Variants in LAMA3 observed in about 807,000 individuals in gnomAD.
LAMA3 encodes laminin subunit alpha-3.
In LAMA3, 281 loss-of-function variants were observed where a neutral mutation model predicts 402.0. That is an observed-to-expected ratio of 0.70 (90% CI 0.63 to 0.77). LAMA3 has a LOEUF of 0.77. Ranked by LOEUF, LAMA3 falls within the 30% of genes least tolerant of loss-of-function variation. LAMA3 has a pLI of 0.00. For synonymous variants in LAMA3, 1,431 were observed against 1,558.4 expected (o/e 0.92, Z 1.93); for missense variants, 3,840 against 4,215.5 (o/e 0.91, Z 2.47).
chr18:23,822,075 A>G (rs1339236252), intron 19 of LAMA3, among the ~76,000 whole-genome samples, 177 bp from the exon 20 acceptor site: 3 of 152,114 alleles, frequency 2.0e-5, no homozygotes, highest in Non-Finnish European at 2.9e-5. Context: ...AGGTTTGCCT[A>G]TTTCCATCTT....
intron 21 of LAMA3, 32 bp downstream of exon 21, chr18:23,824,597 C>A (rs190704241): frequency 1.1e-5 from 17 of 1,611,164 alleles, no homozygotes; most frequent in Non-Finnish European, 1.3e-5. Context: ...AGAGCTCCTG[C>A]GGGATTCTTC....
At chr18:23,715,664 CAGGA>C (rs910569809) in intron 2 of LAMA3, among the ~76,000 whole-genome samples, 1 of 152,128 alleles carries the variant, frequency 6.6e-6, no homozygotes, top group African/African-American at 2.4e-5. Flanking sequence ...ACGTAAACAG[CAGGA>C]AGAAGACTGT....
chr18:23,791,088 C>T (rs12458273), intron 12 of LAMA3, among the ~76,000 whole-genome samples: 8,479 of 152,054 alleles, frequency 0.056, 284 homozygotes, highest in Middle Eastern at 0.095. Context: ...CGGGGTTTCA[C>T]CGTGGTCTCA....
intron 31 of LAMA3, 110 bp downstream of exon 31, chr18:23,846,618 T>G: frequency 9.9e-7 from 1 of 1,010,808 alleles, no homozygotes; most frequent in Non-Finnish European, 1.5e-6. Flanking sequence ...CCTGGAGATC[T>G]GGAGAAATGC....
At chr18:23,907,510 G>C (rs1389556341) in intron 52 of LAMA3, 40 bp from the exon 53 acceptor site, 1 of 1,402,762 alleles carries the variant, frequency 7.1e-7, no homozygotes, top group South Asian at 1.2e-5. Flanking sequence ...GGATCAAAAT[G>C]CACAAAGTAA....
At chr18:23,939,522 G>GC in intron 68 of LAMA3, 136 bp downstream of exon 68, 1 of 946,870 alleles carries the variant, frequency 1.1e-6, no homozygotes, top group Non-Finnish European at 1.7e-6. Flanking sequence ...GCAAAGAGGT[G>GC]CTGGCCTGCA....
chr18:23,824,542 A>G lies in LAMA3; in HGVS notation c.2548A>G (p.Ile850Val), dbSNP rs1223598289. 1 of 1,614,094 alleles carries G rather than the reference A, an allele frequency of 6.2e-7. No homozygotes were observed. Among genetic ancestry groups the G allele is most frequent in the Admixed American group, 1.7e-5 (1 of 60,018 alleles). The change falls in exon 21 of 75, where the codon ATT becomes GTT. Residue 850 changes from isoleucine to valine, a missense_variant. By Grantham distance (29) the Ile-to-Val change is conservative (BLOSUM62 3). Transcript: ENST00000313654. ...CACACCAGGAATATGGGTTGCTTGT[A>G]TTAAGGCAGAAGGAGTCCTTCTGGT... ...SITPGIWVAC[I>V]KAEGVLLDYL...
Position 23,839,119 on chromosome 18 carries a change from G to C in LAMA3, c.3191+241G>C, listed in dbSNP as rs1398589197. On this transcript the variant is annotated intron_variant, in intron 26 of 74. Transcript: ENST00000313654. The surrounding 1 kb of genome is among the most constrained non-coding windows in gnomAD (Gnocchi z 4.5). ...AGGGAAATGGTTAAGCCTACCCCTG[G>C]AGGGCAGGAACGCTGAGTTCTATTC... 2.0e-5 allele frequency among the ~76,000 whole-genome samples: 3 copies of C among 152,198 alleles called. No individual in the cohort carries two copies. The highest frequency in any genetic ancestry group is 7.2e-5 in the African/African-American group (3 of 41,460).
At chr18:23,909,914 G>C (rs1041251819) in intron 55 of LAMA3, among the ~76,000 whole-genome samples, 1 of 152,190 alleles carries the variant, frequency 6.6e-6, no homozygotes, top group Non-Finnish European at 1.5e-5. Context: ...AGCCTAGTCA[G>C]AATATCATTG....
chr18:23,725,401 G>A (rs1212048642), intron 2 of LAMA3, among the ~76,000 whole-genome samples: 13 of 152,132 alleles, frequency 8.5e-5, no homozygotes, highest in Admixed American at 5.9e-4. Flanking sequence ...ATGAGCCACC[G>A]CGCCCGGCCT....
At position 23,817,266 on chromosome 18, in the gene LAMA3, C is replaced by G. The variant is rs1264648916; in HGVS notation, c.2147+779C>G. 2.0e-5 allele frequency among the ~76,000 whole-genome samples: 3 copies of G among 152,264 alleles called. No homozygotes were observed. The East Asian group carries it at 5.8e-4, about 29-fold the overall frequency. On this transcript the variant is annotated intron_variant, in intron 18 of 74. Coordinates refer to ENST00000313654, the MANE Select transcript of LAMA3 (RefSeq NM_198129.4). ...TTACCATTTATAAACGTTTTGAAACCTTGATGTTTCATCCATGATTTTTCC... is the reference window on the plus strand; with the variant it reads ...TTACCATTTATAAACGTTTTGAAACGTTGATGTTTCATCCATGATTTTTCC...
Position 23,815,521 on chromosome 18 carries a change from C to A in LAMA3, c.1995C>A (p.Thr665=). ...ATGTGGGTGGCGATTCCTGCGACAC[C>A]TGTGAAGATGGATATTTTGCTTTGG... The part of the protein sequence containing the change: ...KSHVGGDSCD[T]CEDGYFALEK... Residue 665 remains threonine (T), a synonymous_variant, in exon 17 of 75, where the codon ACC becomes ACA. Transcript: ENST00000313654. 1 of 1,614,170 alleles carries A rather than the reference C, an allele frequency of 6.2e-7. No homozygotes were observed. Among genetic ancestry groups the A allele is most frequent in the Non-Finnish European group, 8.5e-7 (1 of 1,180,016 alleles).
At chr18:23,913,233 A>G (rs899859294) in intron 56 of LAMA3, among the ~76,000 whole-genome samples, 3 of 152,194 alleles carry the variant, frequency 2.0e-5, no homozygotes, top group Non-Finnish European at 4.4e-5. Context: ...CCAGGGATCA[A>G]TACCAAGGAG....
chr18:23,749,573 G>C, intron 4 of LAMA3, 27 bp downstream of exon 4: 1 of 1,311,192 alleles, frequency 7.6e-7, no homozygotes. Context: ...GACTGGGAGA[G>C]ATAAGACTCA....
At chr18:23,828,010 G>A (rs1043473726) in intron 23 of LAMA3, among the ~76,000 whole-genome samples, 3 of 152,082 alleles carry the variant, frequency 2.0e-5, no homozygotes, top group Non-Finnish European at 2.9e-5. Flanking sequence ...GGAGTTCTTC[G>A]AACTTCAGAA....
At chr18:23,739,135 G>A (rs572506440) in intron 2 of LAMA3, among the ~76,000 whole-genome samples, 8 of 152,322 alleles carry the variant, frequency 5.3e-5, no homozygotes, top group African/African-American at 1.9e-4. Context: ...TTAGAGTGCA[G>A]GTTGGTGCCT....
chr18:23,813,553 C>CCT (rs2063116614), intron 14 of LAMA3, among the ~76,000 whole-genome samples: 1 of 115,006 alleles, frequency 8.7e-6, no homozygotes, highest in Non-Finnish European at 1.7e-5. Context: ...TCTTTTCTTT[C>CCT]TTTTTTTTTT....
intron 67 of LAMA3, among the ~76,000 whole-genome samples, chr18:23,934,639 G>A (rs1299829881): frequency 6.6e-6 from 1 of 152,250 alleles, no homozygotes; most frequent in Non-Finnish European, 1.5e-5. Flanking sequence ...ATGGATAACA[G>A]TGGGCACCTC....
intron 12 of LAMA3, among the ~76,000 whole-genome samples, chr18:23,788,098 G>A (rs2062581228): frequency 6.6e-6 from 1 of 151,876 alleles, no homozygotes; most frequent in South Asian, 2.1e-4. Context: ...AAATCTATAG[G>A]AAGAAATAAA....
Sources: allele counts gnomAD v4.1 joint callset (sites outside exome capture counted in the v4.1 genomes callset), GRCh38; gene constraint gnomAD v4.1.1; non-coding constraint Gnocchi (gnomAD v3.1); transcripts MANE v1.5; gene names NCBI Gene and HGNC (gene_info 2026-07-23, HGNC 2026-07-21).